The following LPAR1 variants were observed in gnomAD, a reference collection of about 807,000 sequenced individuals.
LPAR1 encodes the protein lysophosphatidic acid receptor 1, also known as LPA receptor 1.
A neutral mutation model predicts 23.8 loss-of-function variants in LPAR1; 5 were observed. The ratio of observed to expected loss-of-function variants is 0.21; its 90% CI spans 0.11 to 0.44. LPAR1 has a LOEUF of 0.44. Among genes scored for constraint, LPAR1 ranks in the 20% least tolerant of loss-of-function variants. LPAR1 has a pLI of 0.99. For missense variants in LPAR1, 311 were observed against 482.8 expected, an observed-to-expected ratio of 0.64 and a Z score of 3.33; for synonymous variants, 160 against 164.7, an observed-to-expected ratio of 0.97 and a Z score of 0.22.
intron 5 of LPAR1, among the ~76,000 whole-genome samples, chr9:110,890,397 T>G (rs1180395963): frequency 1.3e-5 from 2 of 152,232 alleles, no homozygotes; most frequent in African/African-American, 4.8e-5. Context: ...GAATTTATAT[T>G]GTTCCCCAAG....
At chr9:110,948,445 C>T (rs1027931387) in intron 4 of LPAR1, among the ~76,000 whole-genome samples, 4 of 152,134 alleles carry the variant, frequency 2.6e-5, no homozygotes, top group Admixed American at 2.6e-4. Flanking sequence ...ACATAAAATG[C>T]TACTTCTTAT....
intron 5 of LPAR1, among the ~76,000 whole-genome samples, chr9:110,883,634 A>T (rs1011689461): frequency 1.3e-5 from 2 of 152,174 alleles, no homozygotes; most frequent in Admixed American, 1.3e-4. Flanking sequence ...CAGATTCAAC[A>T]CCATGACTTT....
At chr9:110,939,742 A>C (rs1254414605) in intron 5 of LPAR1, among the ~76,000 whole-genome samples, 1 of 152,208 alleles carries the variant, frequency 6.6e-6, no homozygotes, top group Non-Finnish European at 1.5e-5. Context: ...TAAAACAAGA[A>C]CTTGGCAGGT....
intron 4 of LPAR1, among the ~76,000 whole-genome samples, chr9:110,945,834 T>C (rs2095358678): frequency 6.6e-6 from 1 of 152,142 alleles, no homozygotes; most frequent in Non-Finnish European, 1.5e-5. Flanking sequence ...AGTCAGGTCT[T>C]TCTCACATGA....
At position 110,942,048 on chromosome 9, in the gene LPAR1, C is replaced by T; in HGVS notation, c.166G>A (p.Gly56Arg). 1 of 1,614,142 alleles carries T rather than the reference C, an allele frequency of 6.2e-7. No homozygotes were observed. Among genetic ancestry groups the T allele is most frequent in the Non-Finnish European group, 8.5e-7 (1 of 1,180,000 alleles). ...NTVSKLVMGL[G>R]ITVCIFIMLA... ...ATGATGAAGATACAAACAGTGATTC[C>T]AAGTCCCATCACCAGCTTGCTGACT... Residue 56 changes from glycine to arginine, a missense_variant, in exon 5 of 6, where the codon GGA (glycine) becomes AGA (arginine). This residue lies in a region of LPAR1 where 250 missense variants were observed against 427.2 expected (regional missense o/e 0.59). Coordinates refer to ENST00000683809, the MANE Select transcript of LPAR1 (RefSeq NM_001351411.2).
intron 2 of LPAR1, among the ~76,000 whole-genome samples, chr9:111,012,780 T>C (rs140132627): frequency 2.0e-5 from 3 of 151,864 alleles, no homozygotes; most frequent in Non-Finnish European, 1.5e-5. Context: ...AACTGTTCAA[T>C]TGAGAGAAAT....
At chr9:111,027,431 T>A (rs2097713181) in intron 2 of LPAR1, among the ~76,000 whole-genome samples, 1 of 152,018 alleles carries the variant, frequency 6.6e-6, no homozygotes, top group Admixed American at 6.6e-5. Flanking sequence ...AGCCCAGGAG[T>A]TTGAGGCCAC....
intron 5 of LPAR1, among the ~76,000 whole-genome samples, chr9:110,931,013 C>A (rs1354486900): frequency 6.6e-6 from 1 of 152,172 alleles, no homozygotes; most frequent in African/African-American, 2.4e-5. Flanking sequence ...TCCCTTTCCA[C>A]TCTAAGGATT....
chr9:110,946,804 T>G (rs1170794546), intron 4 of LPAR1, among the ~76,000 whole-genome samples: 1 of 152,090 alleles, frequency 6.6e-6, no homozygotes, highest in African/African-American at 2.4e-5. Flanking sequence ...AAATAATTAT[T>G]GAAAGAAGCT....
At chr9:110,955,229 A>C (rs2095697987) in intron 4 of LPAR1, among the ~76,000 whole-genome samples, 1 of 152,238 alleles carries the variant, frequency 6.6e-6, no homozygotes, top group Non-Finnish European at 1.5e-5. Flanking sequence ...GACTGAAAGT[A>C]AAAAGACAGA....
At chr9:110,877,107 C>G (rs1016579855) in intron 5 of LPAR1, among the ~76,000 whole-genome samples, 1 of 152,202 alleles carries the variant, frequency 6.6e-6, no homozygotes, top group African/African-American at 2.4e-5. Flanking sequence ...TTGGTGGATG[C>G]AGGCTTGGAC....
intron 4 of LPAR1, among the ~76,000 whole-genome samples, chr9:110,957,021 G>GA (rs2095781429): frequency 6.6e-6 from 1 of 151,984 alleles, no homozygotes; most frequent in African/African-American, 2.4e-5. Context: ...AACATAGATG[G>GA]AAAAAATCCT....
intron 5 of LPAR1, among the ~76,000 whole-genome samples, chr9:110,922,910 T>C (rs189290709): frequency 2.0e-4 from 31 of 151,504 alleles, no homozygotes; most frequent in African/African-American, 6.3e-4. Flanking sequence ...TACATAGGTA[T>C]ACACGTGCCA....
At chr9:110,968,597 T>G (rs915898139) in intron 4 of LPAR1, among the ~76,000 whole-genome samples, 1 of 152,172 alleles carries the variant, frequency 6.6e-6, no homozygotes, top group African/African-American at 2.4e-5. Context: ...GTCTCCACTT[T>G]CCTCCCAGAG....
chr9:110,920,255 G>A (rs902801619), intron 5 of LPAR1, among the ~76,000 whole-genome samples: 9 of 152,302 alleles, frequency 5.9e-5, no homozygotes, highest in South Asian at 2.1e-4. Context: ...AGAATGGGGG[G>A]AAGGGAAAGT....
chr9:110,902,403 T>C (rs564681160), intron 5 of LPAR1, among the ~76,000 whole-genome samples: 8 of 152,248 alleles, frequency 5.3e-5, no homozygotes, highest in Non-Finnish European at 8.8e-5. Context: ...TAGTAAGTTA[T>C]CACGACATCT....
intron 5 of LPAR1, among the ~76,000 whole-genome samples, chr9:110,930,409 T>A (rs2094331552): frequency 6.6e-6 from 1 of 151,898 alleles, no homozygotes; most frequent in Non-Finnish European, 1.5e-5. Context: ...CTCGGGAGGC[T>A]GAGGCAAGAG....
intron 5 of LPAR1, chr9:110,903,247 G>A (rs999566705): frequency 5.9e-5 from 9 of 152,088 alleles, no homozygotes; most frequent in African/African-American, 2.2e-4. Context: ...CCTCAAAATG[G>A]TGTAATGAGT....
intron 2 of LPAR1, among the ~76,000 whole-genome samples, chr9:111,005,575 A>AAAAAAAAG (rs1564316925): frequency 3.8e-5 from 5 of 131,530 alleles, no homozygotes; most frequent in African/African-American, 1.3e-4. Flanking sequence ...AAAAAAAAAA[A>AAAAAAAAG]AAGAAGAATT....
Sources: allele counts gnomAD v4.1 joint callset (sites outside exome capture counted in the v4.1 genomes callset), GRCh38; gene constraint gnomAD v4.1.1; regional missense constraint gnomAD v4.1.1; transcripts MANE v1.5; gene names NCBI Gene and HGNC (gene_info 2026-07-23, HGNC 2026-07-21).